Variants in TSPAN9 observed in about 807,000 individuals in gnomAD.
TSPAN9 encodes the protein tetraspanin-9.
A neutral mutation model predicts 31.0 loss-of-function variants in TSPAN9; 16 were observed. The ratio of observed to expected loss-of-function variants is 0.52; its 90% confidence interval spans 0.35 to 0.78. The LOEUF (loss-of-function observed/expected upper bound fraction) is 0.78, where lower values mean the gene tolerates loss of function less well. TSPAN9 is among the 30% of genes least tolerant of loss of function. The pLI, the probability that TSPAN9 is intolerant of heterozygous loss-of-function variation, is 0.01. For synonymous variants in TSPAN9, 145 were observed against 121.6 expected, an observed-to-expected ratio of 1.19 and a Z score of -1.27; for missense variants, 272 against 312.5, an observed-to-expected ratio of 0.87 and a Z score of 0.98.
intron 3 of TSPAN9, among the ~76,000 whole-genome samples, chr12:3,251,780 G>A (rs12371422): frequency 1.0e-3 from 153 of 152,262 alleles, no homozygotes; most frequent in Middle Eastern, 6.8e-3. Context: ...GCAGCCTGTC[G>A]GCACCGGCTT....
intron 2 of TSPAN9, among the ~76,000 whole-genome samples, chr12:3,112,399 C>T (rs2098319418): frequency 6.6e-6 from 1 of 151,942 alleles, no homozygotes; most frequent in African/African-American, 2.4e-5. Flanking sequence ...TGGTCGCAAA[C>T]TCCCAACCTC....
At chr12:3,200,182 A>T (rs942135696) in intron 2 of TSPAN9, 1 of 152,328 alleles carries the variant, frequency 6.6e-6, no homozygotes, top group East Asian at 1.9e-4. Flanking sequence ...GGCACACAGC[A>T]GAACGCTAAT....
intron 2 of TSPAN9, among the ~76,000 whole-genome samples, chr12:3,161,820 T>A (rs978051461): frequency 5.3e-5 from 8 of 152,092 alleles, no homozygotes; most frequent in African/African-American, 1.7e-4. Context: ...TCTATCTGTC[T>A]GTCTGTTGTT....
At chr12:3,085,930 G>A (rs1170276411) in intron 2 of TSPAN9, among the ~76,000 whole-genome samples, 1 of 152,202 alleles carries the variant, frequency 6.6e-6, no homozygotes, top group African/African-American at 2.4e-5. Context: ...TTGCGGAGAT[G>A]GTCCCCTGCC....
chr12:3,102,956 C>T (rs1009592280), intron 2 of TSPAN9, among the ~76,000 whole-genome samples: 6 of 152,160 alleles, frequency 3.9e-5, no homozygotes, highest in South Asian at 4.1e-4. Context: ...GATGAACTCA[C>T]GAGGTGAAGC....
intron 3 of TSPAN9, among the ~76,000 whole-genome samples, chr12:3,277,145 G>C (rs1028704919): frequency 6.6e-6 from 1 of 152,210 alleles, no homozygotes; most frequent in Non-Finnish European, 1.5e-5. Context: ...CAGTCCAATA[G>C]GAAGGGGATG....
intron 3 of TSPAN9, among the ~76,000 whole-genome samples, chr12:3,246,321 C>T (rs1565630423): frequency 6.6e-6 from 1 of 152,054 alleles, no homozygotes; most frequent in Admixed American, 6.6e-5. Flanking sequence ...GGTTACAATT[C>T]AATATGAATT....
chr12:3,091,490 C>G (rs913373980), intron 2 of TSPAN9, among the ~76,000 whole-genome samples: 1 of 152,224 alleles, frequency 6.6e-6, no homozygotes, highest in Non-Finnish European at 1.5e-5. Context: ...CAAACCCCAG[C>G]TTAGAGGATG....
chr12:3,242,694 C>T (rs1565628800), intron 3 of TSPAN9, among the ~76,000 whole-genome samples: 2 of 152,232 alleles, frequency 1.3e-5, no homozygotes, highest in South Asian at 4.1e-4. Flanking sequence ...CAGGCCTCAG[C>T]TGGAGGGGCA....
At chr12:3,263,723 A>AG (rs34747287) in intron 3 of TSPAN9, among the ~76,000 whole-genome samples, 59,281 of 151,992 alleles carry the variant, frequency 0.39, 13,550 homozygotes, top group South Asian at 0.59. Flanking sequence ...CACCCGGCAA[A>AG]GTCAGTACTA....
intron 3 of TSPAN9, among the ~76,000 whole-genome samples, chr12:3,257,790 G>A (rs1046555174): frequency 2.0e-5 from 3 of 152,068 alleles, no homozygotes. Context: ...GGGGCGGCGG[G>A]GAGGCGACTT....
chr12:3,092,253 C>T (rs1228710630), intron 2 of TSPAN9, among the ~76,000 whole-genome samples: 2 of 152,172 alleles, frequency 1.3e-5, no homozygotes, highest in Admixed American at 1.3e-4. Flanking sequence ...CACTCCACCC[C>T]TCCGTTACTT....
intron 3 of TSPAN9, among the ~76,000 whole-genome samples, chr12:3,228,499 G>T (rs1313779699): frequency 6.6e-6 from 1 of 152,228 alleles, no homozygotes; most frequent in African/African-American, 2.4e-5. Context: ...ACTAGCTTAG[G>T]CAATCATTTC....
At position 3,286,107 on chromosome 12, in the gene TSPAN9, G is replaced by T. The variant is rs1326877449; in HGVS notation, c.*2991G>T. The stretch of plus-strand genomic sequence containing the variant: ...CCAAGAGCAGTCTGGGTGGATGGAA[G>T]TGGCTGTCCCCTCCTCTCCAGCCCC... On this transcript the variant is annotated 3_prime_UTR_variant, in exon 9 of 9. Coordinates refer to ENST00000011898, the MANE Select transcript of TSPAN9 (RefSeq NM_006675.5). This position sits in a 1 kb window ranked among gnomAD's most constrained non-coding sequence, Gnocchi z 4.1. 1.3e-5 allele frequency: 2 copies of T among 152,768 alleles called. No individual in the cohort carries two copies. The highest frequency in any genetic ancestry group is 4.8e-5 in the African/African-American group (2 of 41,480). 9.5% of individuals were successfully genotyped at this position (152,768 alleles called of 1,614,324 possible). A position where few individuals can be genotyped will look rare whatever the true frequency, so the allele number is the denominator to read the frequency against.
intron 3 of TSPAN9, among the ~76,000 whole-genome samples, chr12:3,221,548 A>G (rs556326507): frequency 4.9e-4 from 74 of 152,190 alleles, no homozygotes; most frequent in Non-Finnish European, 9.7e-4. Context: ...TAGTAGAGAC[A>G]GAGTTTCACC....
chr12:3,168,394 TA>T lies in TSPAN9; in HGVS notation c.-17-32782del, dbSNP rs1265073768. ...CCTTCGCAATATGTTCCGGGTGCTGTAGGGGTGCTGGGTGAACAAGAACTGG... is the reference window on the plus strand; with the variant it reads ...CCTTCGCAATATGTTCCGGGTGCTGTGGGGTGCTGGGTGAACAAGAACTGG... On this transcript the variant is annotated intron_variant, in intron 2 of 8. Transcript: ENST00000011898. The surrounding 1 kb of genome is among the most constrained non-coding windows in gnomAD (Gnocchi z 4.0). Among the ~76,000 whole-genome samples, 2 of 152,072 alleles carry T rather than the reference TA, an allele frequency of 1.3e-5. No individual in the cohort carries two copies. The highest frequency in any genetic ancestry group is 4.8e-5 in the African/African-American group (2 of 41,400).
rs184975686 is a variant in TSPAN9 at position 3,277,363 on chromosome 12, T to A, written c.64-1058T>A. Among the ~76,000 whole-genome samples the A allele has an allele frequency of 4.3e-3, 658 of 152,300 alleles. 6 individuals carry two copies. The highest frequency in any genetic ancestry group is 0.015 in the African/African-American group (610 of 41,558). The stretch of plus-strand genomic sequence containing the variant: ...CTGGCTTCCATGACTGCGACAGTGA[T>A]TGCCTCCTCTGAGCGCCCGTAGCGT... On this transcript the variant is annotated intron_variant, in intron 3 of 8. Transcript: ENST00000011898.
chr12:3,157,478 C>G (rs77115380), intron 2 of TSPAN9, among the ~76,000 whole-genome samples: 2 of 152,120 alleles, frequency 1.3e-5, no homozygotes, highest in Non-Finnish European at 2.9e-5. Context: ...CTGACCTTGA[C>G]GAACCTCATT....
intron 2 of TSPAN9, among the ~76,000 whole-genome samples, chr12:3,094,968 T>C (rs920233318): frequency 3.4e-5 from 4 of 117,906 alleles, no homozygotes; most frequent in Non-Finnish European, 5.0e-5. Context: ...GGTCAGCAGA[T>C]AAACAAGTGA....
Sources: allele counts gnomAD v4.1 joint callset (sites outside exome capture counted in the v4.1 genomes callset), GRCh38; gene constraint gnomAD v4.1.1; non-coding constraint Gnocchi (gnomAD v3.1); transcripts MANE v1.5; gene names NCBI Gene and HGNC (gene_info 2026-07-23, HGNC 2026-07-21).